Variants in PPP3CA observed in about 807,000 individuals in gnomAD.
The protein encoded by PPP3CA is CAM-PRP catalytic subunit.
PPP3CA carries 14 observed loss-of-function variants against 66.5 expected under a neutral mutation model. The ratio of observed to expected loss-of-function variants is 0.21; its 90% CI spans 0.14 to 0.33. The LOEUF (loss-of-function observed/expected upper bound fraction) is 0.33, where lower values mean the gene tolerates loss of function less well. Among genes scored for constraint, PPP3CA ranks in the 10% least tolerant of loss-of-function variants. PPP3CA has a pLI of 1.00. For synonymous variants in PPP3CA, 232 were observed against 226.2 expected (o/e 1.03, Z -0.23); for missense variants, 317 against 639.5 (o/e 0.50, Z 5.44).
At chr4:101,281,180 T>C (rs921459764) in intron 1 of PPP3CA, among the ~76,000 whole-genome samples, 1 of 152,086 alleles carries the variant, frequency 6.6e-6, no homozygotes, top group African/African-American at 2.4e-5. Flanking sequence ...TCTGAAGCAG[T>C]GAATGAGGAA....
chr4:101,202,594 A>T (rs888553398), intron 1 of PPP3CA, among the ~76,000 whole-genome samples: 10 of 152,220 alleles, frequency 6.6e-5, no homozygotes, highest in Non-Finnish European at 1.3e-4. Flanking sequence ...GAACATATTT[A>T]CTAGGGTTCT....
At chr4:101,251,340 C>T (rs2110244839) in intron 1 of PPP3CA, among the ~76,000 whole-genome samples, 1 of 152,058 alleles carries the variant, frequency 6.6e-6, no homozygotes, top group South Asian at 2.1e-4. Flanking sequence ...AATAAAGGGC[C>T]TTAGAAATCT....
At chr4:101,102,597 A>C (rs1730496421) in intron 3 of PPP3CA, among the ~76,000 whole-genome samples, 1 of 152,148 alleles carries the variant, frequency 6.6e-6, no homozygotes, top group East Asian at 1.9e-4. Context: ...AGAGCTGCCA[A>C]GTACAACACT....
chr4:101,237,741 GGGGGCAAC>G (rs1726173062), intron 1 of PPP3CA, among the ~76,000 whole-genome samples: 1 of 151,978 alleles, frequency 6.6e-6, no homozygotes, highest in Admixed American at 6.6e-5. Context: ...CTGATACTTG[GGGGGCAAC>G]TGCAGCAGAT....
At chr4:101,087,512 T>C (rs1729723170) in intron 6 of PPP3CA, among the ~76,000 whole-genome samples, 1 of 152,136 alleles carries the variant, frequency 6.6e-6, no homozygotes, top group African/African-American at 2.4e-5. Flanking sequence ...TCCTGGCTTA[T>C]AGCATGAAAG....
intron 1 of PPP3CA, among the ~76,000 whole-genome samples, chr4:101,215,033 T>C (rs893011054): frequency 6.6e-6 from 1 of 152,094 alleles, no homozygotes. Flanking sequence ...AGCATAACAA[T>C]GTACCTCTTT....
chr4:101,190,906 G>T (rs1183418633), intron 2 of PPP3CA, among the ~76,000 whole-genome samples: 1 of 152,076 alleles, frequency 6.6e-6, no homozygotes, highest in Non-Finnish European at 1.5e-5. Context: ...TTCTTTGTAT[G>T]TTTTCTTCAG....
intron 1 of PPP3CA, among the ~76,000 whole-genome samples, chr4:101,259,401 G>A (rs759747959): frequency 6.6e-6 from 1 of 151,982 alleles, no homozygotes; most frequent in African/African-American, 2.4e-5. Flanking sequence ...CATGGACCAC[G>A]ATCACCAAGG....
chr4:101,317,253 A>AACACACACACACACAC (rs3840161), intron 1 of PPP3CA, among the ~76,000 whole-genome samples: 2,322 of 145,366 alleles, frequency 0.016, 70 homozygotes, highest in African/African-American at 0.056. Context: ...CGGTACTCCC[A>AACACACACACACACAC]ACACACACAC....
Position 101,166,129 on chromosome 4 carries a change from T to TTTA in PPP3CA, c.259+29784_259+29786dup, listed in dbSNP as rs534284504. Among the ~76,000 whole-genome samples, 234 of 152,254 alleles carry TTTA rather than the reference T, an allele frequency of 1.5e-3. 1 individual carries two copies. Among genetic ancestry groups the TTTA allele is most frequent in the African/African-American group, 5.4e-3 (224 of 41,582 alleles). ...TAGGATGAAACATATACAACAACCA[T>TTTA]TTAGATAATGAAGTACTCCTAGGCA... On this transcript the variant is annotated intron_variant, in intron 2 of 13. Coordinates refer to ENST00000394854, the MANE Select transcript of PPP3CA (RefSeq NM_000944.5).
chr4:101,270,256 G>C (rs1050435129), intron 1 of PPP3CA, among the ~76,000 whole-genome samples: 3 of 152,020 alleles, frequency 2.0e-5, no homozygotes, highest in African/African-American at 7.2e-5. Context: ...TCATTCATAT[G>C]TGTGCATACC....
chr4:101,227,460 C>T (rs1434727868), intron 1 of PPP3CA, among the ~76,000 whole-genome samples: 1 of 151,716 alleles, frequency 6.6e-6, no homozygotes, highest in East Asian at 1.9e-4. Context: ...ACATAGAAGG[C>T]CATTCAATTT....
At chr4:101,324,821 C>T (rs1220546094) in intron 1 of PPP3CA, among the ~76,000 whole-genome samples, 5 of 152,142 alleles carry the variant, frequency 3.3e-5, no homozygotes, top group South Asian at 2.1e-4. Flanking sequence ...AGCCAATTAC[C>T]GACACAAGAC....
chr4:101,304,773 T>C (rs1371010179), intron 1 of PPP3CA, among the ~76,000 whole-genome samples: 2 of 152,202 alleles, frequency 1.3e-5, no homozygotes, highest in Non-Finnish European at 1.5e-5. Context: ...ACACAAATAA[T>C]TGAAGAATGT....
At chr4:101,326,766 A>G (rs757977117) in intron 1 of PPP3CA, among the ~76,000 whole-genome samples, 11 of 152,366 alleles carry the variant, frequency 7.2e-5, no homozygotes, top group Middle Eastern at 3.4e-3. Flanking sequence ...CTGGTCTACA[A>G]GTAACATAAG....
chr4:101,346,670 G>C (rs1362698096), intron 1 of PPP3CA, 69 bp downstream of exon 1: 6 of 1,385,754 alleles, frequency 4.3e-6, no homozygotes, highest in Non-Finnish European at 6.0e-6. Context: ...GAGGAAAGGC[G>C]AGGCGAGGCA....
intron 6 of PPP3CA, among the ~76,000 whole-genome samples, chr4:101,088,749 C>T (rs552661889): frequency 5.3e-5 from 8 of 152,054 alleles, no homozygotes; most frequent in South Asian, 2.1e-4. Flanking sequence ...AGGGACGATA[C>T]TAATGAAATT....
intron 1 of PPP3CA, among the ~76,000 whole-genome samples, chr4:101,346,120 G>GCC (rs1391412436): frequency 6.6e-6 from 1 of 150,910 alleles, no homozygotes; most frequent in African/African-American, 2.4e-5. Context: ...GCCCCGCGCG[G>GCC]AAGGAAGCGC....
At chr4:101,058,747 A>C (rs1303202669) in intron 10 of PPP3CA, among the ~76,000 whole-genome samples, 1 of 152,190 alleles carries the variant, frequency 6.6e-6, no homozygotes, top group Non-Finnish European at 1.5e-5. Flanking sequence ...ACTAGAAGTG[A>C]AGTAAGCACA....
Sources: allele counts gnomAD v4.1 joint callset (sites outside exome capture counted in the v4.1 genomes callset), GRCh38; gene constraint gnomAD v4.1.1; transcripts MANE v1.5; gene names NCBI Gene and HGNC (gene_info 2026-07-23, HGNC 2026-07-21).